The following SLC12A2 variants were observed in gnomAD, a reference collection of about 807,000 sequenced individuals.
SLC12A2 encodes the protein solute carrier family 12 member 2.
SLC12A2 carries 67 observed loss-of-function variants against 136.3 expected under a neutral mutation model. That is an observed-to-expected ratio of 0.49 (90% CI 0.40 to 0.60). The LOEUF is 0.60. Among genes scored for constraint, SLC12A2 ranks in the 20% least tolerant of loss-of-function variants. SLC12A2 has a pLI of 0.00. For synonymous variants in SLC12A2, 619 were observed against 562.9 expected, an observed-to-expected ratio of 1.10 and a Z score of -1.41; for missense variants, 1,322 against 1,534.7, an observed-to-expected ratio of 0.86 and a Z score of 2.32.
chr5:128,086,132 G>A (rs1760091955), intron 1 of SLC12A2, among the ~76,000 whole-genome samples: 1 of 152,080 alleles, frequency 6.6e-6, no homozygotes. Context: ...TTTTACCAAA[G>A]CCAAGTATGT....
chr5:128,162,214 G>T (rs887593627), intron 17 of SLC12A2, among the ~76,000 whole-genome samples: 1 of 152,054 alleles, frequency 6.6e-6, no homozygotes, highest in Non-Finnish European at 1.5e-5. Context: ...TTGCTTTATA[G>T]GAAAGAAAGC....
At chr5:128,174,972 G>GA (rs1763495298) in intron 20 of SLC12A2, among the ~76,000 whole-genome samples, 1 of 151,896 alleles carries the variant, frequency 6.6e-6, no homozygotes, top group Non-Finnish European at 1.5e-5. Flanking sequence ...ATCTGAATTT[G>GA]GAAAGAACAT....
intron 15 of SLC12A2, 41 bp from the exon 16 acceptor site, chr5:128,158,012 C>A: frequency 6.5e-7 from 1 of 1,550,352 alleles, no homozygotes; most frequent in Non-Finnish European, 8.8e-7. Flanking sequence ...GCCAGAAACA[C>A]AAATTTATCT....
In SLC12A2 at chr5:128,107,860, T is replaced by C. The variant is rs140463796; in HGVS notation, c.757-4954T>C. ...CTTCTGGTTCTAGATCCTGGAGGAA[T>C]TGCCACACTGTCTTTCACAATGGTT... On this transcript the variant is annotated intron_variant, in intron 1 of 26. Transcript: ENST00000262461. Among the ~76,000 whole-genome samples, 1,085 of 152,272 alleles carry C rather than the reference T, an allele frequency of 7.1e-3. 11 individuals are homozygous for C. The highest frequency in any genetic ancestry group is 0.011 in the Non-Finnish European group (761 of 68,018).
In SLC12A2 at chr5:128,117,730, TAA is replaced by T. The variant is rs1371469442; in HGVS notation, c.1048+3051_1048+3052del. Among the ~76,000 whole-genome samples, 3 of 152,146 alleles carry T rather than the reference TAA, an allele frequency of 2.0e-5. No individual in the cohort carries two copies. In the East Asian group the frequency reaches 5.8e-4, roughly 29 times the overall value. ...AAAACAAAACTAAATGGGACCTAAT[TAA>T]ACTAAAAAGCTTCTGCACAGCAAAA... On this transcript the variant is annotated intron_variant, in intron 4 of 26. Coordinates refer to ENST00000262461, the MANE Select transcript of SLC12A2 (RefSeq NM_001046.3).
intron 1 of SLC12A2, among the ~76,000 whole-genome samples, chr5:128,097,614 A>G (rs1203535334): frequency 1.3e-5 from 2 of 151,870 alleles, no homozygotes; most frequent in Non-Finnish European, 2.9e-5. Flanking sequence ...TCTTTGCATT[A>G]TTTTTTAGTG....
chr5:128,142,627 G>A (rs189205252), intron 10 of SLC12A2, among the ~76,000 whole-genome samples: 3 of 152,092 alleles, frequency 2.0e-5, no homozygotes, highest in Admixed American at 2.0e-4. Context: ...GGTCATATTT[G>A]TATGGGTCTG....
chr5:128,159,420 A>G (rs1007509296), intron 16 of SLC12A2, among the ~76,000 whole-genome samples: 1 of 152,208 alleles, frequency 6.6e-6, no homozygotes, highest in African/African-American at 2.4e-5. Flanking sequence ...TAACTAAACT[A>G]AAGAACTTCT....
intron 19 of SLC12A2, among the ~76,000 whole-genome samples, chr5:128,173,715 G>A (rs1470691148): frequency 2.0e-5 from 3 of 152,110 alleles, no homozygotes; most frequent in African/African-American, 4.8e-5. Context: ...TAAGGCCTGC[G>A]AGCTCTTAGC....
chr5:128,186,430 T>C, intron 26 of SLC12A2, 66 bp from the exon 27 acceptor site: 5 of 1,483,522 alleles, frequency 3.4e-6, no homozygotes, highest in Non-Finnish European at 4.5e-6. Context: ...TAATTTTTGC[T>C]ACATTTTATT....
intron 4 of SLC12A2, among the ~76,000 whole-genome samples, chr5:128,127,584 A>C (rs1397751603): frequency 1.3e-5 from 2 of 151,208 alleles, no homozygotes; most frequent in East Asian, 3.9e-4. Flanking sequence ...TTTTTTTGGC[A>C]GGAGTGCTTA....
Position 128,084,692 on chromosome 5 carries a change from C to G in SLC12A2, c.738C>G (p.Leu246=). The part of the protein sequence containing the change: ...EKLLRPSLAE[L]HDELEKEPFE... The stretch of plus-strand genomic sequence containing the variant: ...TGCTCCGGCCTAGCCTGGCGGAGCT[C>G]CACGACGAGCTGGAAAAGGTGAGCT... The change falls in exon 1 of 27, where the codon CTC becomes CTG. Residue 246 remains leucine, a synonymous_variant. Transcript: ENST00000262461. The surrounding 1 kb of genome is among the most constrained non-coding windows in gnomAD (Gnocchi z 5.6). 6.2e-7 allele frequency: 1 copy of G among 1,601,534 alleles called. No homozygotes were observed. Among genetic ancestry groups the G allele is most frequent in the South Asian group, 1.1e-5 (1 of 89,636 alleles).
At chr5:128,135,492 T>TC (rs753598198) in intron 6 of SLC12A2, among the ~76,000 whole-genome samples, 13 of 152,052 alleles carry the variant, frequency 8.5e-5, no homozygotes, top group Non-Finnish European at 1.9e-4. Context: ...ATCTTTTTTT[T>TC]CCCCAGATAT....
intron 9 of SLC12A2, among the ~76,000 whole-genome samples, chr5:128,140,162 C>A (rs1405138067): frequency 6.6e-6 from 1 of 152,040 alleles, no homozygotes; most frequent in African/African-American, 2.4e-5. Context: ...CTACACCTGG[C>A]TAATTTTTGT....
At chr5:128,155,296 G>A (rs1762840888) in intron 15 of SLC12A2, among the ~76,000 whole-genome samples, 1 of 127,508 alleles carries the variant, frequency 7.8e-6, no homozygotes, top group African/African-American at 4.1e-5. Flanking sequence ...AGATAAGGGG[G>A]GCTAGTGTAC....
At chr5:128,181,136 T>C (rs1181960571) in intron 23 of SLC12A2, 142 bp downstream of exon 23, 4 of 620,974 alleles carry the variant, frequency 6.4e-6, no homozygotes, top group South Asian at 2.0e-5. Context: ...ATTTTAAATA[T>C]AACCTTGTTC....
intron 21 of SLC12A2, 30 bp downstream of exon 21, chr5:128,177,182 C>T: frequency 1.3e-6 from 2 of 1,532,144 alleles, no homozygotes; most frequent in African/African-American, 1.4e-5. Context: ...TTATTTTAAA[C>T]CCTTTTTCAT....
At chr5:128,128,366 G>A (rs1761894782) in intron 4 of SLC12A2, among the ~76,000 whole-genome samples, 1 of 152,092 alleles carries the variant, frequency 6.6e-6, no homozygotes. Flanking sequence ...TCTGGCATCT[G>A]ACTAATTATG....
At chr5:128,151,787 A>G (rs1762711780) in intron 14 of SLC12A2, among the ~76,000 whole-genome samples, 2 of 152,162 alleles carry the variant, frequency 1.3e-5, no homozygotes. Context: ...ATTTATACAT[A>G]TAACCTACTG....
Sources: gnomAD v4.1 joint callset for allele counts (sites outside exome capture counted in the v4.1 genomes callset) on GRCh38, gnomAD v4.1.1 for gene constraint, Gnocchi (gnomAD v3.1) non-coding constraint, MANE v1.5 for transcripts, NCBI Gene and HGNC (gene_info 2026-07-23, HGNC 2026-07-21) for gene names.